Variants in LRRC49 observed in about 807,000 individuals in gnomAD.
The protein encoded by LRRC49 is leucine rich repeat containing 49, also known as leucine-rich repeat-containing protein 49.
A neutral mutation model predicts 83.3 loss-of-function variants in LRRC49; 50 were observed. The observed-to-expected ratio is 0.60, with a 90% CI of 0.48 to 0.76. LRRC49 has a LOEUF of 0.76. Ranked by LOEUF, LRRC49 falls within the 30% of genes least tolerant of loss-of-function variation. LRRC49 has a pLI of 0.00. For missense variants in LRRC49, 704 were observed against 809.1 expected, an observed-to-expected ratio of 0.87 and a Z score of 1.58; for synonymous variants, 286 against 283.3, an observed-to-expected ratio of 1.01 and a Z score of -0.10.
intron 9 of LRRC49, among the ~76,000 whole-genome samples, chr15:70,971,377 T>G (rs1035139652): frequency 1.3e-5 from 2 of 151,392 alleles, no homozygotes; most frequent in African/African-American, 4.8e-5. Context: ...TTTTGCATGT[T>G]TTACTTCCAA....
At chr15:71,048,846 A>G (rs1038792647) in intron 15 of LRRC49, 2 of 455,898 alleles carry the variant, frequency 4.4e-6, no homozygotes, top group African/African-American at 2.0e-5. Context: ...CCTGGGTCCC[A>G]GGTTTCTATA....
chr15:70,920,246 C>A (rs1365726974), intron 7 of LRRC49, among the ~76,000 whole-genome samples: 1 of 152,010 alleles, frequency 6.6e-6, no homozygotes, highest in Non-Finnish European at 1.5e-5. Context: ...CAGAGGATAC[C>A]TTATTTATAG....
upstream of LRRC49, among the ~76,000 whole-genome samples, chr15:70,889,889 G>A (rs566359246): frequency 2.6e-5 from 4 of 152,166 alleles, no homozygotes; most frequent in African/African-American, 9.7e-5. Flanking sequence ...TGTGGTTAGG[G>A]TTCTTTATCC....
chr15:70,936,722 C>A (rs1320500492), intron 7 of LRRC49, 39 bp from the exon 8 acceptor site: 2 of 1,287,882 alleles, frequency 1.6e-6, no homozygotes, highest in East Asian at 2.3e-5. Flanking sequence ...ATATTTTTTT[C>A]TTTCATCTGA....
At chr15:70,983,379 C>T (rs1026530063) in intron 10 of LRRC49, among the ~76,000 whole-genome samples, 8 of 152,136 alleles carry the variant, frequency 5.3e-5, no homozygotes, top group Admixed American at 4.6e-4. Context: ...AACCCTATGC[C>T]CAAAACTCTA....
intron 8 of LRRC49, among the ~76,000 whole-genome samples, chr15:70,942,891 A>G (rs981496006): frequency 2.0e-5 from 3 of 152,248 alleles, no homozygotes; most frequent in African/African-American, 7.2e-5. Context: ...GTCAGAAGCA[A>G]AAATATCTAC....
At chr15:71,037,074 T>C in intron 14 of LRRC49, 105 bp from the exon 15 acceptor site, 1 of 751,422 alleles carries the variant, frequency 1.3e-6, no homozygotes, top group Non-Finnish European at 2.2e-6. Flanking sequence ...CATTAAAATA[T>C]ATATTCAAAA....
intron 6 of LRRC49, 36 bp from the exon 7 acceptor site, chr15:70,919,013 TG>T: frequency 6.4e-7 from 1 of 1,562,570 alleles, no homozygotes; most frequent in Non-Finnish European, 8.7e-7. Context: ...TTCAGGTTTT[TG>T]CCTGCTAATC....
chr15:70,935,445 C>T (rs1197709563), intron 7 of LRRC49, among the ~76,000 whole-genome samples: 1 of 152,078 alleles, frequency 6.6e-6, no homozygotes, highest in East Asian at 1.9e-4. Context: ...CTTTGAATAA[C>T]AAACTTTAAA....
intron 1 of LRRC49, chr15:70,858,909 G>A: frequency 1.3e-6 from 1 of 773,632 alleles, no homozygotes; most frequent in Admixed American, 1.7e-5. Flanking sequence ...CATCACCGCT[G>A]TCACGGTCAA....
intron 1 of LRRC49, chr15:70,858,954 G>A (rs1453420573): frequency 1.2e-6 from 1 of 815,786 alleles, no homozygotes; most frequent in Non-Finnish European, 2.2e-6. Flanking sequence ...CCTGGAGGTG[G>A]ACCCCAACAT....
At chr15:70,988,767 G>T (rs1024874096) in intron 11 of LRRC49, among the ~76,000 whole-genome samples, 2 of 152,086 alleles carry the variant, frequency 1.3e-5, no homozygotes, top group Non-Finnish European at 2.9e-5. Context: ...TTTTGCAGTG[G>T]CTGGTACCGG....
chr15:71,037,178 G>A lies in LRRC49; in HGVS notation c.1704-1G>A, dbSNP rs1186582337. Reference sequence around the variant, plus strand: ...TAAATCTCTTTACTGTCTTTCTACAGGAAAAAGCAATTTCGGTATCTACTA... The same window carrying A: ...TAAATCTCTTTACTGTCTTTCTACAAGAAAAAGCAATTTCGGTATCTACTA... On this transcript the variant is annotated splice_acceptor_variant, in intron 14 of 15. Coordinates refer to ENST00000260382, the MANE Select transcript of LRRC49 (RefSeq NM_017691.5). LOFTEE classifies it high-confidence loss of function. The A allele has an allele frequency of 1.2e-6, 2 of 1,601,324 alleles. No individual in the cohort carries two copies. Among genetic ancestry groups the A allele is most frequent in the Non-Finnish European group, 1.7e-6 (2 of 1,173,986 alleles).
intron 9 of LRRC49, among the ~76,000 whole-genome samples, chr15:70,968,154 C>T (rs1050393810): frequency 2.6e-5 from 4 of 152,014 alleles, no homozygotes; most frequent in African/African-American, 4.8e-5. Flanking sequence ...CACACCCCAA[C>T]AGGCCCTGGT....
chr15:70,983,172 A>G (rs1401474219), intron 10 of LRRC49, among the ~76,000 whole-genome samples: 1 of 151,580 alleles, frequency 6.6e-6, no homozygotes, highest in Admixed American at 6.6e-5. Flanking sequence ...CAGAATAGGG[A>G]TTTTTTTTTC....
upstream of LRRC49, chr15:70,892,036 C>A: frequency 2.5e-6 from 4 of 1,613,398 alleles, no homozygotes; most frequent in Non-Finnish European, 3.4e-6. Context: ...CCACCAGCCT[C>A]AGGCGCTGGG....
At chr15:70,960,982 G>C (rs1260765068) in intron 8 of LRRC49, among the ~76,000 whole-genome samples, 4 of 152,154 alleles carry the variant, frequency 2.6e-5, no homozygotes, top group African/African-American at 9.6e-5. Flanking sequence ...ACTGTTAAGA[G>C]AAGGAAAAGA....
chr15:70,884,994 T>A (rs937855930), intron 2 of LRRC49, among the ~76,000 whole-genome samples: 1 of 152,192 alleles, frequency 6.6e-6, no homozygotes, highest in Non-Finnish European at 1.5e-5. Flanking sequence ...TAATCTGTTA[T>A]TAAATATTCT....
rs867153133 is a variant in LRRC49, at chr15:70,913,521, A to G, written c.567+1923A>G. 7.9e-5 allele frequency among the ~76,000 whole-genome samples: 12 copies of G among 152,310 alleles called. No individual in the cohort carries two copies. The South Asian group carries it at 2.3e-3, about 29-fold the overall frequency. On this transcript the variant is annotated intron_variant, in intron 6 of 15. Transcript: ENST00000260382. ...GGAAGAAGAATTAAAGAGTATTGACAGTAAAAGAATATCATATGCAAAGGC... is the reference window on the plus strand; with the variant it reads ...GGAAGAAGAATTAAAGAGTATTGACGGTAAAAGAATATCATATGCAAAGGC...
Sources: gnomAD v4.1 joint callset for allele counts (sites outside exome capture counted in the v4.1 genomes callset) on GRCh38, gnomAD v4.1.1 for gene constraint, MANE v1.5 for transcripts, NCBI Gene and HGNC (gene_info 2026-07-23, HGNC 2026-07-21) for gene names.